Variants in CYP2J2 observed in about 807,000 individuals in gnomAD.
CYP2J2 encodes the protein cytochrome P450 family 2 subfamily J member 2, also known as cytochrome P450 2J2.
A neutral mutation model predicts 48.8 loss-of-function variants in CYP2J2; 41 were observed. The observed-to-expected ratio is 0.84, with a 90% confidence interval of 0.66 to 1.09. The LOEUF is 1.09. Ranked by LOEUF, CYP2J2 falls within the 50% of genes least tolerant of loss-of-function variation. The probability of loss-of-function intolerance (pLI) is 0.00; values close to 1 mark genes in which losing one functional copy is unlikely to be tolerated. For synonymous variants in CYP2J2, 221 were observed against 227.1 expected, an observed-to-expected ratio of 0.97 and a Z score of 0.24; for missense variants, 644 against 617.3, an observed-to-expected ratio of 1.04 and a Z score of -0.46.
rs764608206 is a variant in CYP2J2 at position 59,904,946 on chromosome 1, C to T, written c.1116G>A (p.Met372Ile). 1 of 1,613,718 alleles carries T rather than the reference C, an allele frequency of 6.2e-7. No individual in the cohort carries two copies. The highest frequency in any genetic ancestry group is 8.5e-7 in the Non-Finnish European group (1 of 1,179,864). ...GAACGTTCAGGGGGATGATGTTGCC[C>T]ATTCTCTGCACCTCATGGATGACAG... ...TNAVIHEVQR[M>I]GNIIPLNVPR... is the part of the protein sequence containing the mutation. Residue 372 changes from methionine (M) to isoleucine (I), a missense_variant, in exon 7 of 9, where the codon ATG becomes ATA. Met to Ile is a conservative substitution (Grantham distance 10, BLOSUM62 1). Coordinates refer to ENST00000371204, the MANE Select transcript of CYP2J2 (RefSeq NM_000775.4).
At chr1:59,925,680 A>G (rs1025464815) in intron 1 of CYP2J2, among the ~76,000 whole-genome samples, 1 of 152,206 alleles carries the variant, frequency 6.6e-6, no homozygotes, top group Admixed American at 6.5e-5. Flanking sequence ...AACTTTGTCT[A>G]TCAATATTTG....
the CYP2J2 span, among the ~76,000 whole-genome samples, chr1:59,935,027 T>TATATATATATATATATATAC: frequency 9.0e-5 from 9 of 100,140 alleles, no homozygotes; most frequent in South Asian, 1.2e-3. Context: ...TATATATATA[T>TATATATATATATATATATAC]ATATATATAT....
intron 6 of CYP2J2, among the ~76,000 whole-genome samples, 153 bp from the exon 7 acceptor site, chr1:59,905,211 C>T (rs1325678825): frequency 6.6e-6 from 1 of 152,178 alleles, no homozygotes; most frequent in East Asian, 1.9e-4. Flanking sequence ...AAGGCTTATT[C>T]AGAAAACTAC....
intron 7 of CYP2J2, among the ~76,000 whole-genome samples, chr1:59,902,338 G>A (rs913328562): frequency 6.6e-6 from 1 of 152,256 alleles, no homozygotes; most frequent in Non-Finnish European, 1.5e-5. Context: ...TTTCAGGTAT[G>A]TAGTGTTTGT....
At chr1:59,956,177 G>T in the CYP2J2 span, among the ~76,000 whole-genome samples, 1 of 152,112 alleles carries the variant, frequency 6.6e-6, no homozygotes, top group African/African-American at 2.4e-5. Context: ...AATAGTAAGT[G>T]AAAATGGGTA....
the CYP2J2 span, among the ~76,000 whole-genome samples, chr1:59,942,111 T>G: frequency 1.3e-5 from 2 of 152,212 alleles, no homozygotes; most frequent in African/African-American, 4.8e-5. Flanking sequence ...TTTGTGAAAC[T>G]TATGTTCTGG....
chr1:59,957,694 ACACACACAC>A, the CYP2J2 span, among the ~76,000 whole-genome samples: 71 of 151,528 alleles, frequency 4.7e-4, no homozygotes, highest in African/African-American at 1.7e-3. Context: ...ACACACACAC[ACACACACAC>A]CACACACACA....
At chr1:59,917,284 G>A (rs1644474779) in intron 1 of CYP2J2, among the ~76,000 whole-genome samples, 1 of 152,164 alleles carries the variant, frequency 6.6e-6, no homozygotes, top group South Asian at 2.1e-4. Flanking sequence ...GGCCGTGGAT[G>A]CATTCTTATG....
chr1:59,893,681 A>C lies in CYP2J2; in HGVS notation c.1479T>G (p.Ser493Arg), dbSNP rs1644243704. 1 of 1,612,666 alleles carries C rather than the reference A, an allele frequency of 6.2e-7. No individual in the cohort carries two copies. The highest frequency in any genetic ancestry group is 2.2e-5 in the East Asian group (1 of 44,890). The change falls in exon 9 of 9, where the codon AGT becomes AGG. Residue 493 changes from serine to arginine, a missense_variant. Coordinates refer to ENST00000371204, the MANE Select transcript of CYP2J2 (RefSeq NM_000775.4). ...FRMGITISPV[S>R]HRLCAVPQV is the part of the protein sequence containing the mutation. Reference sequence around the variant, plus strand: ...CCTGAGGAACAGCGCAGAGGCGGTGACTGACTGGGGAAATGGTGATACCCA... The same window carrying C: ...CCTGAGGAACAGCGCAGAGGCGGTGCCTGACTGGGGAAATGGTGATACCCA...
the CYP2J2 span, among the ~76,000 whole-genome samples, chr1:59,942,596 AT>A: frequency 1.2e-4 from 18 of 150,006 alleles, no homozygotes; most frequent in Admixed American, 4.0e-4. Flanking sequence ...ACATGATCTG[AT>A]TTTTTTTTTC....
chr1:59,946,965 A>G, the CYP2J2 span, among the ~76,000 whole-genome samples: 1 of 149,752 alleles, frequency 6.7e-6, no homozygotes, highest in South Asian at 2.1e-4. Context: ...GCATTTTGTA[A>G]AAAAAAAAAC....
intron 8 of CYP2J2, among the ~76,000 whole-genome samples, chr1:59,900,140 A>C (rs1302913815): frequency 6.6e-6 from 1 of 152,256 alleles, no homozygotes; most frequent in African/African-American, 2.4e-5. Flanking sequence ...TAAAATTTAC[A>C]AAGGCCAAAG....
Position 59,912,307 on chromosome 1 carries a change from C to A in CYP2J2, c.378G>T (p.Leu126Phe). The stretch of plus-strand genomic sequence containing the variant: ...TCCATGCCTGGCCACTTGACATAAT[C>A]AATCCTGGGAAAAAGAAAGTCAACA... ...MREHIFKKNGLIMSSGQAWKE... is the reference protein window; with the variant it reads ...MREHIFKKNGFIMSSGQAWKE... The change falls in exon 3 of 9, where the codon TTG becomes TTT. Residue 126 changes from leucine to phenylalanine, a missense_variant. Leu to Phe is a conservative substitution (Grantham distance 22). Coordinates refer to ENST00000371204, the MANE Select transcript of CYP2J2 (RefSeq NM_000775.4). 1 of 1,611,230 alleles carries A rather than the reference C, an allele frequency of 6.2e-7. No homozygotes were observed. The highest frequency in any genetic ancestry group is 8.5e-7 in the Non-Finnish European group (1 of 1,178,982).
the CYP2J2 span, among the ~76,000 whole-genome samples, chr1:59,960,552 A>G: frequency 1.3e-5 from 2 of 152,354 alleles, no homozygotes; most frequent in South Asian, 4.1e-4. Context: ...GGCTTAATAC[A>G]TATTTTTGGA....
the CYP2J2 span, among the ~76,000 whole-genome samples, chr1:59,941,136 C>T: frequency 8.5e-5 from 13 of 152,314 alleles, no homozygotes; most frequent in South Asian, 1.9e-3. Context: ...TGAACTCTAA[C>T]ACACCTTTTC....
intron 8 of CYP2J2, among the ~76,000 whole-genome samples, chr1:59,896,372 T>G (rs975222597): frequency 6.6e-6 from 1 of 151,870 alleles, no homozygotes; most frequent in African/African-American, 2.4e-5. Flanking sequence ...CATATTTACA[T>G]CTACATTTCT....
At chr1:59,951,422 A>G in the CYP2J2 span, among the ~76,000 whole-genome samples, 1 of 152,134 alleles carries the variant, frequency 6.6e-6, no homozygotes. Flanking sequence ...GGTTCTTCAC[A>G]TTTAAAAAAA....
chr1:59,895,625 T>G (rs1235264282), intron 8 of CYP2J2, among the ~76,000 whole-genome samples: 1 of 151,982 alleles, frequency 6.6e-6, no homozygotes, highest in South Asian at 2.1e-4. Flanking sequence ...CTTGACCATA[T>G]ATATTTTTTT....
At chr1:59,949,065 G>T in the CYP2J2 span, among the ~76,000 whole-genome samples, 1 of 151,520 alleles carries the variant, frequency 6.6e-6, no homozygotes, top group Non-Finnish European at 1.5e-5. Context: ...GAAAGAAAAA[G>T]AACAGAATTC....
Sources: gnomAD v4.1 joint callset for allele counts (sites outside exome capture counted in the v4.1 genomes callset) on GRCh38, gnomAD v4.1.1 for gene constraint, MANE v1.5 for transcripts, NCBI Gene and HGNC (gene_info 2026-07-23, HGNC 2026-07-21) for gene names.